AFF2: variants seen among roughly 807,000 people sequenced by gnomAD.
The protein encoded by AFF2 is AF4/FMR2 family member 2.
Under a neutral mutation model 76.9 loss-of-function variants are expected in AFF2, and 14 were observed. The ratio of observed to expected loss-of-function variants is 0.18; its 90% confidence interval spans 0.12 to 0.28. The LOEUF (loss-of-function observed/expected upper bound fraction) is 0.28. Ranked by LOEUF, AFF2 falls within the 10% of genes least tolerant of loss-of-function variation. The probability of loss-of-function intolerance (pLI) is 1.00; values close to 1 mark genes in which losing one functional copy is unlikely to be tolerated. For synonymous variants in AFF2, 398 were observed against 366.7 expected, an observed-to-expected ratio of 1.09 and a Z score of -0.98; for missense variants, 868 against 1,001.1, an observed-to-expected ratio of 0.87 and a Z score of 1.79.
At position 148,781,052 on chromosome X, in the gene AFF2, T is replaced by C. The variant is rs538356997; in HGVS notation, c.1042-28824T>C. ...TTTGCTGGGGTTTTCCGCCAGACTC[T>C]GTTTGCCTGGGTATCACCAGCGGAG... On this transcript the variant is annotated intron_variant, in intron 3 of 20. Coordinates refer to ENST00000370460, the MANE Select transcript of AFF2 (RefSeq NM_002025.4). 2.7e-4 allele frequency among the ~76,000 whole-genome samples: 30 copies of C among 112,163 alleles called. No individual in the cohort carries two copies. The South Asian group carries it at 0.011, about 42-fold the overall frequency.
intron 3 of AFF2, among the ~76,000 whole-genome samples, chrX:148,754,791 A>G (rs1557266748): frequency 8.9e-6 from 1 of 111,906 alleles, no homozygotes; most frequent in Admixed American, 9.5e-5. Flanking sequence ...TCTTGTTGAG[A>G]GACTGTTCAA....
chrX:148,609,915 CT>C (rs2053710429), intron 1 of AFF2, among the ~76,000 whole-genome samples: 1 of 111,538 alleles, frequency 9.0e-6, no homozygotes, highest in African/African-American at 3.3e-5. Context: ...AGCTTTGCCC[CT>C]CCCACATCCA....
At chrX:148,660,889 A>C (rs1475908153) in intron 2 of AFF2, among the ~76,000 whole-genome samples, 1 of 112,752 alleles carries the variant, frequency 8.9e-6, no homozygotes, top group African/African-American at 3.2e-5. Flanking sequence ...CTGAGCTTTC[A>C]TCAAAGTCAT....
intron 1 of AFF2, among the ~76,000 whole-genome samples, chrX:148,571,557 A>G (rs2053230032): frequency 9.0e-6 from 1 of 111,731 alleles, no homozygotes; most frequent in Non-Finnish European, 1.9e-5. Context: ...TTGATCAAAG[A>G]GAGGAATTCT....
intron 1 of AFF2, among the ~76,000 whole-genome samples, chrX:148,629,653 G>A (rs28625595): frequency 8.9e-6 from 1 of 111,841 alleles, no homozygotes; most frequent in South Asian, 3.8e-4. Flanking sequence ...GGCCCACTTA[G>A]AATCACAAGG....
chrX:148,624,565 A>G (rs1463831232), intron 1 of AFF2, among the ~76,000 whole-genome samples: 2 of 112,298 alleles, frequency 1.8e-5, no homozygotes, highest in African/African-American at 3.2e-5. Context: ...AACAATGATA[A>G]TCAGAAGGAA....
chrX:148,817,938 A>G (rs2070285592), intron 4 of AFF2, among the ~76,000 whole-genome samples: 1 of 112,137 alleles, frequency 8.9e-6, no homozygotes, highest in African/African-American at 3.2e-5. Context: ...TTGATAAAAT[A>G]GAAATAAGTG....
At chrX:148,753,103 G>A (rs1557266605) in intron 3 of AFF2, among the ~76,000 whole-genome samples, 1 of 111,500 alleles carries the variant, frequency 9.0e-6, no homozygotes. Flanking sequence ...GGGATGTTGT[G>A]ATGATATAGC....
intron 1 of AFF2, among the ~76,000 whole-genome samples, chrX:148,556,081 G>A (rs1181988646): frequency 2.7e-5 from 3 of 112,239 alleles, no homozygotes; most frequent in African/African-American, 9.7e-5. Flanking sequence ...CCAGAGAGCA[G>A]AGGGAGAGAG....
At chrX:148,503,466 G>A (rs1557232125) in intron 1 of AFF2, among the ~76,000 whole-genome samples, 2 of 111,639 alleles carry the variant, frequency 1.8e-5, no homozygotes, top group Non-Finnish European at 3.8e-5. Flanking sequence ...AAGGAAAAAA[G>A]ACCAGCAAAG....
intron 9 of AFF2, among the ~76,000 whole-genome samples, chrX:148,949,416 T>C (rs887186864): frequency 7.2e-5 from 8 of 111,551 alleles, no homozygotes; most frequent in African/African-American, 2.6e-4. Flanking sequence ...ACTGGCCTAC[T>C]CTCTGATCGC....
Position 148,998,683 on chromosome X carries a change from CA to C in AFF2, c.*7352del, listed in dbSNP as rs1254106551. ...AAACATCTTCAGATGTTTCTGTAAC[CA>C]TTATAAATATGAAAAAAACCTCTTC... On this transcript the variant is annotated 3_prime_UTR_variant, in exon 21 of 21. Coordinates refer to ENST00000370460, the MANE Select transcript of AFF2 (RefSeq NM_002025.4). The C allele has an allele frequency of 9.0e-6, 1 of 111,232 alleles. No homozygotes were observed. Among genetic ancestry groups the C allele is most frequent in the African/African-American group, 3.3e-5 (1 of 30,553 alleles). 9.2% of individuals were successfully genotyped at this position (111,232 alleles called of 1,213,427 possible). A position where few individuals can be genotyped will look rare whatever the true frequency, so the allele number is the denominator to read the frequency against.
At chrX:148,875,912 A>G in intron 7 of AFF2, among the ~76,000 whole-genome samples, 1 of 111,666 alleles carries the variant, frequency 9.0e-6, no homozygotes, top group Middle Eastern at 4.6e-3. Flanking sequence ...GTTCAGTTGC[A>G]TTTTAGGTAG....
intron 9 of AFF2, among the ~76,000 whole-genome samples, chrX:148,943,946 G>A (rs782540362): frequency 8.9e-6 from 1 of 112,240 alleles, no homozygotes; most frequent in East Asian, 2.8e-4. Flanking sequence ...AAGGAGAATG[G>A]CATTGACCAA....
Position 148,669,006 on chromosome X carries a change from C to T in AFF2, c.1041+6238C>T, listed in dbSNP as rs1446053214. Among the ~76,000 whole-genome samples, 3 of 112,151 alleles carry T rather than the reference C, an allele frequency of 2.7e-5. No individual in the cohort carries two copies. In the East Asian group the frequency reaches 8.3e-4, roughly 31 times the overall value. On this transcript the variant is annotated intron_variant, in intron 3 of 20. Coordinates refer to ENST00000370460, the MANE Select transcript of AFF2 (RefSeq NM_002025.4). ...GCCTTTAACAACACCCAAGCCCCCT[C>T]TTGAATGCTTTGCTGCATAGAAATT...
At chrX:148,544,629 C>G (rs1034812718) in intron 1 of AFF2, among the ~76,000 whole-genome samples, 3 of 112,328 alleles carry the variant, frequency 2.7e-5, no homozygotes, top group African/African-American at 6.5e-5. Flanking sequence ...TAGGGCAATT[C>G]TGTATTCACA....
chrX:148,515,174 G>T (rs1327281473), intron 1 of AFF2, among the ~76,000 whole-genome samples: 1 of 111,950 alleles, frequency 8.9e-6, no homozygotes, highest in Non-Finnish European at 1.9e-5. Context: ...CTGGAAAAAA[G>T]GGAGGAAATA....
intron 3 of AFF2, among the ~76,000 whole-genome samples, chrX:148,672,734 A>G (rs782566185): frequency 3.6e-5 from 4 of 112,151 alleles, no homozygotes; most frequent in African/African-American, 9.7e-5. Flanking sequence ...TGTTTTTGCA[A>G]TATTCCTAAA....
At chrX:148,528,828 T>C (rs1276722278) in intron 1 of AFF2, among the ~76,000 whole-genome samples, 1 of 111,764 alleles carries the variant, frequency 8.9e-6, no homozygotes, top group East Asian at 2.8e-4. Context: ...GGTATGGAAT[T>C]TGCTTCAACT....
Sources: allele counts gnomAD v4.1 joint callset (sites outside exome capture counted in the v4.1 genomes callset), GRCh38; gene constraint gnomAD v4.1.1; transcripts MANE v1.5; gene names NCBI Gene and HGNC (gene_info 2026-07-23, HGNC 2026-07-21).